Variants in CSMD3 observed in about 807,000 individuals in gnomAD.
CSMD3 encodes the protein CUB and sushi domain-containing protein 3.
A neutral mutation model predicts 435.2 loss-of-function variants in CSMD3; 177 were observed. That is an observed-to-expected ratio of 0.41 (90% CI 0.36 to 0.46). The LOEUF is 0.46. Among genes scored for constraint, CSMD3 ranks in the 20% least tolerant of loss-of-function variants. The pLI is 0.34. For missense variants in CSMD3, 4,265 were observed against 4,504.6 expected, an observed-to-expected ratio of 0.95 and a Z score of 1.52; for synonymous variants, 1,656 against 1,520.5, an observed-to-expected ratio of 1.09 and a Z score of -2.07.
intron 1 of CSMD3, among the ~76,000 whole-genome samples, chr8:113,407,415 T>A (rs904707661): frequency 5.9e-5 from 9 of 152,188 alleles, no homozygotes; most frequent in Non-Finnish European, 2.9e-5. Context: ...TAAACTAAAT[T>A]GGTACCCATG....
At chr8:112,692,488 T>C (rs1246272913) in intron 13 of CSMD3, among the ~76,000 whole-genome samples, 3 of 152,152 alleles carry the variant, frequency 2.0e-5, no homozygotes, top group African/African-American at 7.2e-5. Flanking sequence ...AAGTGAAATA[T>C]ATTCAGTTCA....
intron 11 of CSMD3, among the ~76,000 whole-genome samples, chr8:112,830,850 G>A (rs1001807420): frequency 1.3e-5 from 2 of 148,772 alleles, no homozygotes; most frequent in Non-Finnish European, 3.0e-5. Context: ...GCACTGGCGC[G>A]ATCTTGGCTC....
intron 32 of CSMD3, among the ~76,000 whole-genome samples, chr8:112,448,162 C>A (rs530335871): frequency 2.6e-5 from 4 of 152,288 alleles, no homozygotes; most frequent in Admixed American, 2.6e-4. Context: ...GGCTTTCTTC[C>A]CAGCTTGTTA....
At chr8:113,134,080 AAGG>A (rs1260354041) in intron 4 of CSMD3, among the ~76,000 whole-genome samples, 2 of 152,112 alleles carry the variant, frequency 1.3e-5, no homozygotes, top group South Asian at 2.1e-4. Context: ...ACAAAATGTC[AAGG>A]AGGTCAAAGT....
intron 32 of CSMD3, among the ~76,000 whole-genome samples, chr8:112,463,309 C>G (rs1817639791): frequency 6.6e-6 from 1 of 152,108 alleles, no homozygotes. Flanking sequence ...TTGCAGTGAG[C>G]CGAGGTCATG....
At chr8:113,170,829 G>C (rs1216682996) in intron 4 of CSMD3, among the ~76,000 whole-genome samples, 2 of 152,026 alleles carry the variant, frequency 1.3e-5, no homozygotes, top group Non-Finnish European at 2.9e-5. Context: ...AAAGTGACCT[G>C]GGTAGACTAA....
chr8:113,331,671 G>A (rs2094028550), intron 1 of CSMD3, among the ~76,000 whole-genome samples: 1 of 151,502 alleles, frequency 6.6e-6, no homozygotes, highest in South Asian at 2.1e-4. Flanking sequence ...CGGAATAAAG[G>A]ACAAAATCCA....
intron 10 of CSMD3, among the ~76,000 whole-genome samples, chr8:112,865,996 G>A (rs1677873950): frequency 6.6e-6 from 1 of 152,110 alleles, no homozygotes; most frequent in Admixed American, 6.6e-5. Flanking sequence ...TGTAGAATGT[G>A]GTAATTAATC....
rs1403588102 is a variant in CSMD3, at chr8:113,374,861, C to T, written c.179-60068G>A. The stretch of plus-strand genomic sequence containing the variant: ...AAAAAAAAAAAACCAATAAAATGAA[C>T]ACCATAATACCATGAGGATCTAGCA... On this transcript the variant is annotated intron_variant, in intron 1 of 70. Transcript: ENST00000297405. Among the ~76,000 whole-genome samples, 3 of 110,918 alleles carry T rather than the reference C, an allele frequency of 2.7e-5. No homozygotes were observed. The East Asian group carries it at 8.5e-4, about 32-fold the overall frequency. The allele number at this position is 110,918 out of a possible 152,430, so 72.8% of individuals were successfully genotyped here. A position where few individuals can be genotyped will look rare whatever the true frequency, so the allele number is the denominator to read the frequency against.
chr8:113,273,229 G>A (rs539900856), intron 3 of CSMD3, among the ~76,000 whole-genome samples: 2 of 151,764 alleles, frequency 1.3e-5, no homozygotes, highest in African/African-American at 4.8e-5. Context: ...GAACTTAAGT[G>A]ACTTCTAACT....
intron 50 of CSMD3, 99 bp downstream of exon 50, chr8:112,310,879 T>A (rs1263931130): frequency 1.0e-6 from 1 of 971,802 alleles, no homozygotes; most frequent in Non-Finnish European, 1.6e-6. Context: ...TGCTTCCGAA[T>A]ATTTCCATTC....
chr8:113,029,447 C>T (rs1230040842), intron 5 of CSMD3, among the ~76,000 whole-genome samples: 1 of 151,436 alleles, frequency 6.6e-6, no homozygotes, highest in Non-Finnish European at 1.5e-5. Flanking sequence ...GGGTTTCATA[C>T]CAGGGATGCA....
At chr8:112,604,154 C>A (rs1185363266) in intron 22 of CSMD3, among the ~76,000 whole-genome samples, 1 of 151,948 alleles carries the variant, frequency 6.6e-6, no homozygotes, top group Non-Finnish European at 1.5e-5. Flanking sequence ...GGTAGAGGGG[C>A]AAGGGAGATT....
At chr8:112,429,548 G>A (rs1410473826) in intron 32 of CSMD3, among the ~76,000 whole-genome samples, 2 of 151,926 alleles carry the variant, frequency 1.3e-5, no homozygotes, top group African/African-American at 2.4e-5. Flanking sequence ...AGTGTGGCAG[G>A]ACAACATAAA....
chr8:112,274,088 T>C (rs1817793423), intron 59 of CSMD3, among the ~76,000 whole-genome samples: 1 of 152,054 alleles, frequency 6.6e-6, no homozygotes, highest in Non-Finnish European at 1.5e-5. Context: ...TGGGATAGTG[T>C]TAAGTTGTTC....
At chr8:112,252,193 A>G (rs1815327729) in intron 63 of CSMD3, among the ~76,000 whole-genome samples, 1 of 151,904 alleles carries the variant, frequency 6.6e-6, no homozygotes, top group South Asian at 2.1e-4. Context: ...ATAACTCACT[A>G]CCGGCCACCT....
chr8:113,046,711 G>A (rs1344995763), intron 5 of CSMD3, among the ~76,000 whole-genome samples: 3 of 152,176 alleles, frequency 2.0e-5, no homozygotes, highest in Non-Finnish European at 4.4e-5. Flanking sequence ...TGTTTTTATT[G>A]ATACAAGGAC....
chr8:112,741,978 AG>A (rs2077322999), intron 13 of CSMD3, among the ~76,000 whole-genome samples: 1 of 151,972 alleles, frequency 6.6e-6, no homozygotes. Flanking sequence ...TAGAATTAAT[AG>A]GCTTGACAGA....
At chr8:112,921,830 C>A (rs72682123) in intron 9 of CSMD3, 79 bp from the exon 10 acceptor site, 3 of 1,107,176 alleles carry the variant, frequency 2.7e-6, no homozygotes, top group Admixed American at 3.4e-5. Context: ...CTGGCAATAT[C>A]CAATAGGTCA....
Sources: allele counts gnomAD v4.1 joint callset (sites outside exome capture counted in the v4.1 genomes callset), GRCh38; gene constraint gnomAD v4.1.1; transcripts MANE v1.5; gene names NCBI Gene and HGNC (gene_info 2026-07-23, HGNC 2026-07-21).